GPHN: variants seen among roughly 807,000 people sequenced by gnomAD.
GPHN encodes gephyrin.
In GPHN, 17 loss-of-function variants were observed where a neutral mutation model predicts 95.5. The ratio of observed to expected loss-of-function variants is 0.18; its 90% CI spans 0.12 to 0.27. GPHN has a LOEUF of 0.27. GPHN is among the 10% of genes least tolerant of loss of function. The pLI, the probability that GPHN is intolerant of heterozygous loss-of-function variation, is 1.00. For synonymous variants in GPHN, 320 were observed against 322.5 expected, an observed-to-expected ratio of 0.99 and a Z score of 0.08; for missense variants, 660 against 978.1, an observed-to-expected ratio of 0.67 and a Z score of 4.34.
intron 5 of GPHN, among the ~76,000 whole-genome samples, chr14:66,880,237 C>G (rs1233818824): frequency 6.6e-6 from 1 of 151,946 alleles, no homozygotes; most frequent in Non-Finnish European, 1.5e-5. Context: ...AATCAATACA[C>G]TATATTGATG....
intron 16 of GPHN, among the ~76,000 whole-genome samples, chr14:67,120,597 A>C (rs1329208115): frequency 6.6e-6 from 1 of 152,212 alleles, no homozygotes; most frequent in African/African-American, 2.4e-5. Flanking sequence ...AATCTTACTT[A>C]GTTCGTGGTC....
chr14:66,878,482 A>T (rs2063773131), intron 4 of GPHN, among the ~76,000 whole-genome samples: 2 of 152,228 alleles, frequency 1.3e-5, no homozygotes. Context: ...CAAAGGGCTA[A>T]TATACAGAAT....
chr14:67,660,079 C>A, the GPHN span: 1 of 739,640 alleles, frequency 1.4e-6, no homozygotes, highest in Non-Finnish European at 2.1e-6. Flanking sequence ...TGGCATGTTC[C>A]CCTCATTCTG....
chr14:67,070,529 C>T (rs113729439), intron 11 of GPHN, among the ~76,000 whole-genome samples: 3 of 149,120 alleles, frequency 2.0e-5, no homozygotes, highest in Non-Finnish European at 4.4e-5. Context: ...AACCGCGTCT[C>T]TACTAAAAAT....
chr14:66,916,317 A>T (rs1433278805), intron 6 of GPHN, among the ~76,000 whole-genome samples: 2 of 152,140 alleles, frequency 1.3e-5, no homozygotes, highest in East Asian at 3.9e-4. Flanking sequence ...CAAGAGAAGA[A>T]GTGCATAAGA....
intron 16 of GPHN, among the ~76,000 whole-genome samples, chr14:67,118,980 A>G (rs552535811): frequency 6.6e-6 from 1 of 152,274 alleles, no homozygotes; most frequent in African/African-American, 2.4e-5. Context: ...GGGTATTTAT[A>G]GGATTTTGAG....
At chr14:66,685,751 A>T (rs1236445080) in intron 2 of GPHN, among the ~76,000 whole-genome samples, 2 of 152,116 alleles carry the variant, frequency 1.3e-5, no homozygotes, top group African/African-American at 4.8e-5. Flanking sequence ...CTTTAGTTTA[A>T]TTAGATCCCA....
chr14:66,638,227 A>T (rs1459363634), intron 1 of GPHN, among the ~76,000 whole-genome samples: 1 of 152,134 alleles, frequency 6.6e-6, no homozygotes, highest in African/African-American at 2.4e-5. Context: ...TGAGATCGGG[A>T]GTTCGAGACC....
chr14:66,719,987 ATT>A, intron 2 of GPHN, among the ~76,000 whole-genome samples: 1 of 152,204 alleles, frequency 6.6e-6, no homozygotes, highest in South Asian at 2.1e-4. Context: ...CTTATTTTTT[ATT>A]GTTTTTTGTA....
the GPHN span, among the ~76,000 whole-genome samples, chr14:67,487,998 T>C: frequency 6.6e-6 from 1 of 152,228 alleles, no homozygotes; most frequent in African/African-American, 2.4e-5. Context: ...ATTTTTTGTT[T>C]TAATATGAAA....
chr14:67,333,060 C>A, the GPHN span: 2 of 996,816 alleles, frequency 2.0e-6, no homozygotes, highest in Non-Finnish European at 3.0e-6. Context: ...TGGAAGGCAG[C>A]AGTATAAGCT....
At chr14:66,633,769 G>A (rs1476345450) in intron 1 of GPHN, among the ~76,000 whole-genome samples, 1 of 152,096 alleles carries the variant, frequency 6.6e-6, no homozygotes, top group Admixed American at 6.5e-5. Flanking sequence ...CACAAAGGTG[G>A]TGCTGTACTC....
chr14:66,900,576 A>G (rs1020724782), intron 5 of GPHN, among the ~76,000 whole-genome samples: 1 of 151,630 alleles, frequency 6.6e-6, no homozygotes, highest in African/African-American at 2.4e-5. Context: ...GTAACAACCA[A>G]TCTACTACCT....
At chr14:66,914,376 T>TA (rs1229377203) in intron 5 of GPHN, among the ~76,000 whole-genome samples, 2 of 152,152 alleles carry the variant, frequency 1.3e-5, no homozygotes, top group African/African-American at 4.8e-5. Flanking sequence ...ATAAAATTGT[T>TA]ACAGTGATGT....
the GPHN span, among the ~76,000 whole-genome samples, chr14:67,195,664 A>G: frequency 6.6e-6 from 1 of 152,054 alleles, no homozygotes; most frequent in African/African-American, 2.4e-5. Context: ...ATGTGCCACT[A>G]AGAAAGGAAA....
rs573230985 is a variant in GPHN, at chr14:66,960,054, T to C, written c.829-5137T>C. Among the ~76,000 whole-genome samples the C allele has an allele frequency of 5.9e-5, 9 of 152,192 alleles. No homozygotes were observed. In the South Asian group the frequency reaches 1.9e-3, roughly 32 times the overall value. On this transcript the variant is annotated intron_variant, in intron 8 of 22. Coordinates refer to ENST00000478722, the MANE Select transcript of GPHN (RefSeq NM_020806.5). Reference sequence around the variant, plus strand: ...GAATTTTTCATTTCCGTTGTAATTTTCGGTGTTAGAATTTGTATTTGGTTT... The same window carrying C: ...GAATTTTTCATTTCCGTTGTAATTTCCGGTGTTAGAATTTGTATTTGGTTT...
At chr14:66,875,073 C>A (rs1309134250) in intron 4 of GPHN, among the ~76,000 whole-genome samples, 1 of 152,160 alleles carries the variant, frequency 6.6e-6, no homozygotes, top group Non-Finnish European at 1.5e-5. Flanking sequence ...AGAAACCCAA[C>A]AAGCCAGAAG....
At chr14:66,833,326 A>C (rs921676002) in intron 4 of GPHN, among the ~76,000 whole-genome samples, 12 of 152,178 alleles carry the variant, frequency 7.9e-5, no homozygotes, top group Admixed American at 4.6e-4. Flanking sequence ...AGAACTCACT[A>C]TCATGAGAAC....
At chr14:67,696,918 C>T in the GPHN span, among the ~76,000 whole-genome samples, 1 of 152,192 alleles carries the variant, frequency 6.6e-6, no homozygotes, top group Admixed American at 6.5e-5. Flanking sequence ...GAGAGGGTTT[C>T]CTTCACACAA....
Sources: gnomAD v4.1 joint callset for allele counts (sites outside exome capture counted in the v4.1 genomes callset) on GRCh38, gnomAD v4.1.1 for gene constraint, MANE v1.5 for transcripts, NCBI Gene and HGNC (gene_info 2026-07-23, HGNC 2026-07-21) for gene names.